Variants in NCOA6 observed in about 807,000 individuals in gnomAD.
NCOA6 encodes the protein NRC RAP250.
A neutral mutation model predicts 171.4 loss-of-function variants in NCOA6; 49 were observed. The ratio of observed to expected loss-of-function variants is 0.29; its 90% confidence interval spans 0.23 to 0.36. The LOEUF is 0.36. NCOA6 is among the 10% of genes least tolerant of loss of function. The pLI is 1.00. For synonymous variants in NCOA6, 910 were observed against 927.5 expected, an observed-to-expected ratio of 0.98 and a Z score of 0.34; for missense variants, 2,248 against 2,554.5, an observed-to-expected ratio of 0.88 and a Z score of 2.59.
intron 1 of NCOA6, among the ~76,000 whole-genome samples, chr20:34,812,063 C>A (rs1371527424): frequency 6.6e-6 from 1 of 151,840 alleles, no homozygotes; most frequent in Non-Finnish European, 1.5e-5. Context: ...GCCTGGCCAA[C>A]ATGGTGAAAC....
At chr20:34,824,980 T>G (rs1432059713) in intron 1 of NCOA6, among the ~76,000 whole-genome samples, 1 of 152,036 alleles carries the variant, frequency 6.6e-6, no homozygotes, top group Non-Finnish European at 1.5e-5. Context: ...CCTACCTGCA[T>G]TAGGGCTCTA....
In NCOA6 at chr20:34,715,248, A is replaced by G. The variant is rs755557502; in HGVS notation, c.*74T>C. The G allele has an allele frequency of 1.2e-4, 192 of 1,600,854 alleles. No individual in the cohort carries two copies. The highest frequency in any genetic ancestry group is 1.6e-4 in the Non-Finnish European group (188 of 1,169,218). ...ACTAACTGTACAGAAATTGATTTAAAAAAGTCACAGCTCAAAATTGCTCTT... is the reference window on the plus strand; with the variant it reads ...ACTAACTGTACAGAAATTGATTTAAGAAAGTCACAGCTCAAAATTGCTCTT... On this transcript the variant is annotated 3_prime_UTR_variant, in exon 15 of 15. Transcript: ENST00000359003.
At chr20:34,820,620 A>T (rs1326290804) in intron 1 of NCOA6, 1 of 151,734 alleles carries the variant, frequency 6.6e-6, no homozygotes, top group Non-Finnish European at 1.5e-5. Context: ...AAAACACAAA[A>T]ATCAGCCAGG....
intron 1 of NCOA6, among the ~76,000 whole-genome samples, chr20:34,807,755 G>A (rs1185854055): frequency 6.6e-6 from 1 of 151,892 alleles, no homozygotes; most frequent in African/African-American, 2.4e-5. Context: ...TCGATCTCCT[G>A]ACCTCATGAT....
intron 2 of NCOA6, among the ~76,000 whole-genome samples, chr20:34,788,441 A>G (rs368864694): frequency 6.6e-6 from 1 of 152,178 alleles, no homozygotes; most frequent in African/African-American, 2.4e-5. Flanking sequence ...ACTTTTGGGT[A>G]GTCAGGTCAT....
chr20:34,792,611 A>C, intron 1 of NCOA6, 48 bp from the exon 2 acceptor site: 1 of 398,462 alleles, frequency 2.5e-6, no homozygotes, highest in East Asian at 3.6e-5. Context: ...AGAGAGATAA[A>C]ATAAAACCAC....
At chr20:34,758,145 C>G in intron 6 of NCOA6, 41 bp from the exon 7 acceptor site, 1 of 1,555,460 alleles carries the variant, frequency 6.4e-7, no homozygotes, top group Non-Finnish European at 8.7e-7. Context: ...TAACCTACTG[C>G]AATCTAGATC....
In NCOA6 at chr20:34,742,101, A is replaced by G. The variant is rs1164733457; in HGVS notation, c.4155T>C (p.Pro1385=). ...LVSPTPLANP[P]VPGSFPNNSG... ...TGTTGTTAGGAAAGCTCCCAGGTACAGGGGGATTGGCCAGAGGAGTGGGAC... is the reference window on the plus strand; with the variant it reads ...TGTTGTTAGGAAAGCTCCCAGGTACGGGGGGATTGGCCAGAGGAGTGGGAC... Residue 1385 remains proline (P), a synonymous_variant, in exon 11 of 15, where the codon CCT becomes CCC. Coordinates refer to ENST00000359003, the MANE Select transcript of NCOA6 (RefSeq NM_014071.5). The G allele has an allele frequency of 6.2e-7, 1 of 1,614,200 alleles. No homozygotes were observed. Among genetic ancestry groups the G allele is most frequent in the South Asian group, 1.1e-5 (1 of 91,082 alleles).
intron 4 of NCOA6, among the ~76,000 whole-genome samples, chr20:34,770,635 CT>C (rs371855705): frequency 2.1e-3 from 310 of 144,638 alleles, no homozygotes; most frequent in Middle Eastern, 3.6e-3. Context: ...GGCCAAACTT[CT>C]TTTTTTTTTT....
intron 3 of NCOA6, among the ~76,000 whole-genome samples, chr20:34,777,205 T>C (rs1470952684): frequency 6.8e-6 from 1 of 146,604 alleles, no homozygotes; most frequent in Non-Finnish European, 1.5e-5. Context: ...ATGCTTGACA[T>C]AACTAATCAT....
At chr20:34,765,200 C>T (rs888238705) in intron 5 of NCOA6, among the ~76,000 whole-genome samples, 1 of 151,732 alleles carries the variant, frequency 6.6e-6, no homozygotes, top group Non-Finnish European at 1.5e-5. Context: ...CACCTGTAAT[C>T]CCAGCACTTT....
At chr20:34,724,242 C>T (rs190606734) in intron 14 of NCOA6, among the ~76,000 whole-genome samples, 142 of 152,286 alleles carry the variant, frequency 9.3e-4, no homozygotes, top group African/African-American at 3.2e-3. Context: ...GAAAGAAGGC[C>T]TCTCTCACCT....
At chr20:34,809,515 C>T (rs1456402229) in intron 1 of NCOA6, 2 of 398,462 alleles carry the variant, frequency 5.0e-6, no homozygotes, top group Admixed American at 8.8e-5. Flanking sequence ...CTCCATTCCT[C>T]CCAGGACCTA....
chr20:34,765,735 C>G (rs567330394), intron 5 of NCOA6, among the ~76,000 whole-genome samples: 1 of 152,144 alleles, frequency 6.6e-6, no homozygotes, highest in African/African-American at 2.4e-5. Context: ...CCACAACACA[C>G]AGGACAGCCT....
chr20:34,816,557 G>A (rs868213816), intron 1 of NCOA6, among the ~76,000 whole-genome samples: 2 of 152,078 alleles, frequency 1.3e-5, no homozygotes, highest in East Asian at 1.9e-4. Context: ...ATGCCAGCAC[G>A]CCTGGCTAAT....
chr20:34,755,957 G>A (rs571536494), intron 7 of NCOA6, among the ~76,000 whole-genome samples: 2 of 152,180 alleles, frequency 1.3e-5, no homozygotes, highest in Admixed American at 6.5e-5. Flanking sequence ...GGCTGGTCTC[G>A]AACTCCTGAC....
chr20:34,805,917 A>G lies in NCOA6; in HGVS notation c.-163-13354T>C, dbSNP rs557932451. Among the ~76,000 whole-genome samples the G allele has an allele frequency of 1.3e-5, 2 of 151,934 alleles. 1 individual carries two copies. Among genetic ancestry groups the G allele is most frequent in the African/African-American group, 4.8e-5 (2 of 41,418 alleles). ...TAGCCTGGCTAGTCTCGAACTCCTG[A>G]CCTTGTGATCCACCCGCCTCAGCCT... On this transcript the variant is annotated intron_variant, in intron 1 of 14. Coordinates refer to ENST00000359003, the MANE Select transcript of NCOA6 (RefSeq NM_014071.5).
At chr20:34,816,556 C>T (rs151038536) in intron 1 of NCOA6, among the ~76,000 whole-genome samples, 4 of 152,206 alleles carry the variant, frequency 2.6e-5, no homozygotes, top group African/African-American at 7.2e-5. Flanking sequence ...CATGCCAGCA[C>T]GCCTGGCTAA....
chr20:34,741,422 T>G lies in NCOA6; in HGVS notation c.4834A>C (p.Thr1612Pro), dbSNP rs748592578. 7.4e-6 allele frequency: 12 copies of G among 1,614,226 alleles called. No individual in the cohort carries two copies. Among genetic ancestry groups the G allele is most frequent in the Non-Finnish European group, 9.3e-6 (11 of 1,180,036 alleles). ...TSNPITTSANTSAALPTHLQS... is the reference protein window; with the variant it reads ...TSNPITTSANPSAALPTHLQS... ...AAGTGAGTTGGCAAAGCTGCTGATG[T>G]GTTAGCTGAAGTTGTGATGGGATTG... The change falls in exon 11 of 15, where the codon ACA (threonine) becomes CCA (proline). Residue 1612 changes from threonine (T) to proline (P), a missense_variant. By Grantham distance (38) the Thr-to-Pro change is conservative (BLOSUM62 -1). Coordinates refer to ENST00000359003, the MANE Select transcript of NCOA6 (RefSeq NM_014071.5).
Sources: gnomAD v4.1 joint callset for allele counts (sites outside exome capture counted in the v4.1 genomes callset) on GRCh38, gnomAD v4.1.1 for gene constraint, MANE v1.5 for transcripts, NCBI Gene and HGNC (gene_info 2026-07-23, HGNC 2026-07-21) for gene names.